FAM222A: variants seen among roughly 807,000 people sequenced by gnomAD.
FAM222A encodes the protein protein FAM222A.
In FAM222A, 7 loss-of-function variants were observed where a neutral mutation model predicts 25.8. That is an observed-to-expected ratio of 0.27 (90% CI 0.15 to 0.51). FAM222A has a LOEUF of 0.51. FAM222A is among the 20% of genes least tolerant of loss of function. The probability of loss-of-function intolerance (pLI) is 0.97; values close to 1 mark genes in which losing one functional copy is unlikely to be tolerated. For synonymous variants in FAM222A, 294 were observed against 298.8 expected (o/e 0.98, Z 0.17); for missense variants, 573 against 640.5 (o/e 0.89, Z 1.14).
chr12:109,768,757 A>G lies in FAM222A; in HGVS notation c.828A>G (p.Ala276=). 1 of 1,581,906 alleles carries G rather than the reference A, an allele frequency of 6.3e-7. No homozygotes were observed. Among genetic ancestry groups the G allele is most frequent in the Non-Finnish European group, 8.6e-7 (1 of 1,168,978 alleles). Residue 276 remains alanine, a synonymous_variant, in exon 3 of 3, where the codon GCA becomes GCG. Coordinates refer to ENST00000538780, the MANE Select transcript of FAM222A (RefSeq NM_032829.3). The part of the protein sequence containing the change: ...ALTLAGAAKP[A]GYADSGLDYL... The stretch of plus-strand genomic sequence containing the variant: ...CGTTGGCTGGGGCCGCCAAGCCTGC[A>G]GGGTACGCAGACAGCGGCCTGGATT...
In FAM222A at chr12:109,769,481, C is replaced by T. The variant is rs943766532; in HGVS notation, c.*193C>T. 2 of 663,190 alleles carry T rather than the reference C, an allele frequency of 3.0e-6. No individual in the cohort carries two copies. Among genetic ancestry groups the T allele is most frequent in the South Asian group, 2.0e-5 (1 of 50,376 alleles). The allele number at this position is 663,190 out of a possible 1,614,324, so 41.1% of individuals were successfully genotyped here. ...CAGGGCAACCTCACATACCAAGGCC[C>T]CTCCCCACCATCGGTTGCCCCAGGA... On this transcript the variant is annotated 3_prime_UTR_variant, in exon 3 of 3. Coordinates refer to ENST00000538780, the MANE Select transcript of FAM222A (RefSeq NM_032829.3).
At chr12:109,762,947 G>A (rs1428413092) in intron 2 of FAM222A, among the ~76,000 whole-genome samples, 2 of 152,230 alleles carry the variant, frequency 1.3e-5, no homozygotes, top group Admixed American at 1.3e-4. Context: ...GCACTGAGCA[G>A]CTCCCCCAAG....
intron 2 of FAM222A, 81 bp downstream of exon 2, chr12:109,744,309 C>T: frequency 1.3e-6 from 2 of 1,511,520 alleles, no homozygotes; most frequent in Non-Finnish European, 1.8e-6. Context: ...GTCCACCTAC[C>T]ATGGCCCTGT....
chr12:109,768,151 C>T lies in FAM222A; in HGVS notation c.222C>T (p.His74=), dbSNP rs146311309. The change falls in exon 3 of 3, where the codon CAC becomes CAT. Residue 74 remains histidine (H), a synonymous_variant. Transcript: ENST00000538780. ...ACATCCGTGTGCCCCAGCACAAGCA[C>T]CTCAGCCGCACAGTCAATGGCTATG... ...PTNIRVPQHK[H]LSRTVNGYDT... is the part of the protein sequence containing the mutation. The T allele has an allele frequency of 1.9e-6, 3 of 1,613,994 alleles. No homozygotes were observed. The highest frequency in any genetic ancestry group is 2.5e-6 in the Non-Finnish European group (3 of 1,180,028).
intron 2 of FAM222A, among the ~76,000 whole-genome samples, chr12:109,759,707 A>G (rs1679373001): frequency 6.6e-6 from 1 of 152,142 alleles, no homozygotes; most frequent in African/African-American, 2.4e-5. Flanking sequence ...GCCCCAGTAC[A>G]CAGTGGGGAG....
chr12:109,759,816 C>A (rs1888840928), intron 2 of FAM222A, among the ~76,000 whole-genome samples: 1 of 152,208 alleles, frequency 6.6e-6, no homozygotes, highest in South Asian at 2.1e-4. Context: ...CTTGGAGCCG[C>A]CATCCATGGG....
At position 109,744,518 on chromosome 12, in the gene FAM222A, C is replaced by T. The variant is rs556805195; in HGVS notation, c.82+290C>T. The T allele has an allele frequency of 1.8e-5, 18 of 985,374 alleles. No individual in the cohort carries two copies. The East Asian group carries it at 2.0e-3, about 112-fold the overall frequency. 61.0% of individuals were successfully genotyped at this position (985,374 alleles called of 1,614,324 possible). On this transcript the variant is annotated intron_variant, in intron 2 of 2. Coordinates refer to ENST00000538780, the MANE Select transcript of FAM222A (RefSeq NM_032829.3). ...TGCCCCAACCCCGCCTCTGCAACTT[C>T]ACCACCATTATCTAGCCATGTGTGT...
intron 1 of FAM222A, among the ~76,000 whole-genome samples, chr12:109,740,377 C>T (rs1255460595): frequency 6.6e-6 from 1 of 152,276 alleles, no homozygotes; most frequent in Middle Eastern, 3.4e-3. Context: ...CCTCCCTGCC[C>T]CCCCTTTTTT....
intron 1 of FAM222A, among the ~76,000 whole-genome samples, chr12:109,730,978 G>A (rs1462438409): frequency 5.9e-5 from 9 of 152,204 alleles, no homozygotes; most frequent in East Asian, 1.9e-4. Flanking sequence ...GTTCATCACC[G>A]GCTTCATCCT....
chr12:109,713,860 T>G lies in FAM222A; in HGVS notation c.-1084T>G, dbSNP rs1170436212. On this transcript the variant is annotated 5_prime_UTR_variant, in exon 1 of 3. Transcript: ENST00000538780. ...GAGCGGAGCAGCGGGCAGGACTGCC[T>G]GGCCGGCTGCTCCGCGGAGAGGCTG... Among the ~76,000 whole-genome samples the G allele has an allele frequency of 6.7e-6, 1 of 148,742 alleles. No homozygotes were observed. The highest frequency in any genetic ancestry group is 6.7e-5 in the Admixed American group (1 of 15,014).
chr12:109,733,945 G>A (rs1346204313), intron 1 of FAM222A, among the ~76,000 whole-genome samples: 1 of 152,164 alleles, frequency 6.6e-6, no homozygotes, highest in Non-Finnish European at 1.5e-5. Flanking sequence ...TGGCGGGATG[G>A]CTCATACCTA....
intron 2 of FAM222A, among the ~76,000 whole-genome samples, chr12:109,758,616 T>TGTGTCTGCCCTAGCCCAGCC (rs1479991553): frequency 2.6e-5 from 4 of 152,090 alleles, no homozygotes; most frequent in African/African-American, 9.7e-5. Context: ...GGAGAACAGC[T>TGTGTCTGCCCTAGCCCAGCC]GTGTCTGCCC....
chr12:109,726,119 TAAAAAAA>T (rs11464580), intron 1 of FAM222A, among the ~76,000 whole-genome samples: 1 of 110,382 alleles, frequency 9.1e-6, no homozygotes, highest in Non-Finnish European at 1.8e-5. Context: ...AAAAAATTGC[TAAAAAAA>T]AAAAAAAAAA....
At chr12:109,715,180 C>T (rs1352497105) in intron 1 of FAM222A, among the ~76,000 whole-genome samples, 2 of 152,036 alleles carry the variant, frequency 1.3e-5, no homozygotes, top group Admixed American at 1.3e-4. Flanking sequence ...TTGGCTGTGT[C>T]ATCCGAAAAT....
At chr12:109,748,724 T>C (rs536876382) in intron 2 of FAM222A, among the ~76,000 whole-genome samples, 1 of 152,284 alleles carries the variant, frequency 6.6e-6, no homozygotes, top group East Asian at 1.9e-4. Flanking sequence ...TCTTATATTG[T>C]ATATTTTGTG....
At chr12:109,753,211 G>A (rs1457499114) in intron 2 of FAM222A, among the ~76,000 whole-genome samples, 1 of 152,134 alleles carries the variant, frequency 6.6e-6, no homozygotes, top group Non-Finnish European at 1.5e-5. Flanking sequence ...AAGGGTCCAA[G>A]GAGGGTGGAG....
chr12:109,751,848 C>T (rs1888567363), intron 2 of FAM222A, among the ~76,000 whole-genome samples: 1 of 152,136 alleles, frequency 6.6e-6, no homozygotes, highest in African/African-American at 2.4e-5. Flanking sequence ...TGCTTCTTAG[C>T]CCTACTTGAT....
intron 1 of FAM222A, chr12:109,742,117 A>C (rs1888257600): frequency 6.6e-6 from 1 of 152,342 alleles, no homozygotes; most frequent in African/African-American, 2.4e-5. Context: ...TCCAGATTGC[A>C]CATGATTGTG....
chr12:109,733,714 C>T (rs1031830539), intron 1 of FAM222A, among the ~76,000 whole-genome samples: 3 of 152,156 alleles, frequency 2.0e-5, no homozygotes, highest in African/African-American at 7.2e-5. Flanking sequence ...CCCATTATTA[C>T]ATATTTCTAT....
Sources: gnomAD v4.1 joint callset for allele counts (sites outside exome capture counted in the v4.1 genomes callset) on GRCh38, gnomAD v4.1.1 for gene constraint, MANE v1.5 for transcripts, NCBI Gene and HGNC (gene_info 2026-07-23, HGNC 2026-07-21) for gene names.